DOCK5: variants seen among roughly 807,000 people sequenced by gnomAD.
The protein encoded by DOCK5 is dedicator of cytokinesis protein 5.
A neutral mutation model predicts 251.8 loss-of-function variants in DOCK5; 142 were observed. The observed-to-expected ratio is 0.56, with a 90% CI of 0.49 to 0.65. The LOEUF (loss-of-function observed/expected upper bound fraction) is 0.65. Among genes scored for constraint, DOCK5 ranks in the 30% least tolerant of loss-of-function variants. The pLI, the probability that DOCK5 is intolerant of heterozygous loss-of-function variation, is 0.00. For missense variants in DOCK5, 2,111 were observed against 2,312.3 expected (o/e 0.91, Z 1.79); for synonymous variants, 842 against 835.5 (o/e 1.01, Z -0.13).
At position 25,300,787 on chromosome 8, in the gene DOCK5, C is replaced by T. The variant is rs1350475962; in HGVS notation, c.846+130C>T. 8 of 929,602 alleles carry T rather than the reference C, an allele frequency of 8.6e-6. No homozygotes were observed. The East Asian group carries it at 1.6e-4, about 19-fold the overall frequency. The allele number at this position is 929,602 out of a possible 1,614,324, so 57.6% of individuals were successfully genotyped here. Reference sequence around the variant, plus strand: ...TCATCAATCTGCCTAGCAGGAATAACCCACCCATTTATTCAACATGTACTT... The same window carrying T: ...TCATCAATCTGCCTAGCAGGAATAATCCACCCATTTATTCAACATGTACTT... On this transcript the variant is annotated intron_variant, in intron 9 of 51. Coordinates refer to ENST00000276440, the MANE Select transcript of DOCK5 (RefSeq NM_024940.8).
At chr8:25,291,423 C>G (rs903309161) in intron 5 of DOCK5, among the ~76,000 whole-genome samples, 1 of 152,098 alleles carries the variant, frequency 6.6e-6, no homozygotes, top group African/African-American at 2.4e-5. Context: ...TGGCTCATGC[C>G]TCTAATCCCA....
At chr8:25,222,950 A>G (rs1159087423) in intron 1 of DOCK5, among the ~76,000 whole-genome samples, 4 of 152,036 alleles carry the variant, frequency 2.6e-5, no homozygotes, top group Non-Finnish European at 5.9e-5. Flanking sequence ...TTCTCACCCT[A>G]CCTGGAGTAC....
At chr8:25,366,551 C>G (rs924330137) in intron 30 of DOCK5, among the ~76,000 whole-genome samples, 1 of 152,110 alleles carries the variant, frequency 6.6e-6, no homozygotes, top group Non-Finnish European at 1.5e-5. Context: ...TTTACTAATT[C>G]AAAAGTTTGG....
At chr8:25,331,060 G>C (rs1455774199) in intron 18 of DOCK5, among the ~76,000 whole-genome samples, 1 of 152,030 alleles carries the variant, frequency 6.6e-6, no homozygotes, top group African/African-American at 2.4e-5. Context: ...CACTGCATGA[G>C]ATTGCACTAC....
intron 13 of DOCK5, among the ~76,000 whole-genome samples, chr8:25,314,038 C>A (rs534073442): frequency 2.0e-4 from 31 of 151,972 alleles, no homozygotes; most frequent in Non-Finnish European, 2.1e-4. Flanking sequence ...ATCTGTAGCT[C>A]CAGGACCAAG....
intron 1 of DOCK5, among the ~76,000 whole-genome samples, chr8:25,188,912 G>C (rs969989245): frequency 2.0e-4 from 31 of 151,942 alleles, no homozygotes; most frequent in Non-Finnish European, 3.7e-4. Flanking sequence ...TAAATATCCA[G>C]AATAGTCTGA....
intron 40 of DOCK5, among the ~76,000 whole-genome samples, chr8:25,388,341 A>G (rs903675618): frequency 5.3e-5 from 8 of 152,200 alleles, no homozygotes; most frequent in African/African-American, 1.4e-4. Flanking sequence ...TGGGCTACCA[A>G]TGGAAACTGC....
At chr8:25,388,907 A>G (rs1801208719) in intron 40 of DOCK5, 184 bp from the exon 41 acceptor site, 1 of 595,202 alleles carries the variant, frequency 1.7e-6, no homozygotes, top group African/African-American at 1.9e-5. Flanking sequence ...AACTTCTCCA[A>G]TAAACCGCAG....
At chr8:25,285,221 C>T (rs933555733) in intron 5 of DOCK5, among the ~76,000 whole-genome samples, 3 of 152,100 alleles carry the variant, frequency 2.0e-5, no homozygotes, top group Non-Finnish European at 2.9e-5. Flanking sequence ...TCTTGGCGCA[C>T]TGCAACCTCT....
intron 44 of DOCK5, among the ~76,000 whole-genome samples, chr8:25,394,216 C>T (rs1801307145): frequency 6.6e-6 from 1 of 152,034 alleles, no homozygotes; most frequent in South Asian, 2.1e-4. Context: ...CTGAGTGACA[C>T]CCTGTCTCTA....
intron 36 of DOCK5, among the ~76,000 whole-genome samples, chr8:25,374,318 G>C (rs1586374002): frequency 6.6e-6 from 1 of 152,044 alleles, no homozygotes; most frequent in Non-Finnish European, 1.5e-5. Context: ...AGCCTGGGCA[G>C]CATGGTGAAA....
At chr8:25,236,858 C>G (rs934953210) in intron 1 of DOCK5, among the ~76,000 whole-genome samples, 3 of 152,056 alleles carry the variant, frequency 2.0e-5, no homozygotes, top group Admixed American at 2.0e-4. Flanking sequence ...CTCGGCCTCC[C>G]AAAGTTCTGG....
At position 25,408,071 on chromosome 8, in the gene DOCK5, C is replaced by T. The variant is rs770100848; in HGVS notation, c.5182C>T (p.Arg1728Trp). ...LSLREENSEN[R>W]ISKFKRKDWS... ...CCTTAGAGAGGAGAACAGCGAGAACCGGATCAGCAAGTTTAAGAGAAAAGA... is the reference window on the plus strand; with the variant it reads ...CCTTAGAGAGGAGAACAGCGAGAACTGGATCAGCAAGTTTAAGAGAAAAGA... The change falls in exon 49 of 52, where the codon CGG (arginine) becomes TGG (tryptophan). Residue 1728 changes from arginine to tryptophan, a missense_variant. By Grantham distance (101) the Arg-to-Trp change is moderately radical. Coordinates refer to ENST00000276440, the MANE Select transcript of DOCK5 (RefSeq NM_024940.8). 46 of 1,607,130 alleles carry T rather than the reference C, an allele frequency of 2.9e-5. No homozygotes were observed. Among genetic ancestry groups the T allele is most frequent in the African/African-American group, 5.4e-5 (4 of 74,700 alleles).
At chr8:25,206,835 C>T (rs936961747) in intron 1 of DOCK5, among the ~76,000 whole-genome samples, 22 of 152,146 alleles carry the variant, frequency 1.4e-4, no homozygotes, top group African/African-American at 5.3e-4. Context: ...AAAAGGATGT[C>T]GTTTGGGAGT....
chr8:25,381,847 A>G (rs1430453971), intron 39 of DOCK5, among the ~76,000 whole-genome samples: 2 of 152,126 alleles, frequency 1.3e-5, no homozygotes, highest in East Asian at 3.9e-4. Flanking sequence ...CTTGTGAGCC[A>G]AAGCTGGAAA....
chr8:25,362,628 G>A (rs568232567), intron 28 of DOCK5, among the ~76,000 whole-genome samples: 2 of 151,640 alleles, frequency 1.3e-5, no homozygotes, highest in African/African-American at 2.4e-5. Context: ...CACCATGCCC[G>A]GCAAATTTTT....
intron 21 of DOCK5, among the ~76,000 whole-genome samples, chr8:25,335,109 G>T (rs1805771107): frequency 6.6e-6 from 1 of 152,218 alleles, no homozygotes; most frequent in Non-Finnish European, 1.5e-5. Context: ...TTGCCTTCCA[G>T]TTATTGTGCA....
chr8:25,263,163 A>G (rs991032644), intron 2 of DOCK5, among the ~76,000 whole-genome samples: 3 of 151,804 alleles, frequency 2.0e-5, no homozygotes, highest in African/African-American at 7.3e-5. Context: ...GACAAATAAG[A>G]TCATTTATCA....
intron 23 of DOCK5, among the ~76,000 whole-genome samples, chr8:25,341,513 G>T (rs1271379011): frequency 6.6e-6 from 1 of 152,200 alleles, no homozygotes; most frequent in African/African-American, 2.4e-5. Context: ...AGTGGACAGA[G>T]CCTGCTGGCA....
Sources: gnomAD v4.1 joint callset for allele counts (sites outside exome capture counted in the v4.1 genomes callset) on GRCh38, gnomAD v4.1.1 for gene constraint, MANE v1.5 for transcripts, NCBI Gene and HGNC (gene_info 2026-07-23, HGNC 2026-07-21) for gene names.